The following DENND6B variants were observed in gnomAD, a reference collection of about 807,000 sequenced individuals.
DENND6B encodes the protein DENN domain containing 6B.
DENND6B carries 73 observed loss-of-function variants against 85.1 expected under a neutral mutation model. That is an observed-to-expected ratio of 0.86 (90% CI 0.71 to 1.04). The LOEUF is 1.04. Ranked by LOEUF, DENND6B falls within the 50% of genes least tolerant of loss-of-function variation. The pLI, the probability that DENND6B is intolerant of heterozygous loss-of-function variation, is 0.00. For missense variants in DENND6B, 715 were observed against 785.8 expected, an observed-to-expected ratio of 0.91 and a Z score of 1.08; for synonymous variants, 357 against 329.3, an observed-to-expected ratio of 1.08 and a Z score of -0.91.
rs2041818228 is a variant in DENND6B at position 50,316,397 on chromosome 22, C to T, written c.532G>A (p.Asp178Asn). 3.8e-6 allele frequency: 6 copies of T among 1,583,572 alleles called. No homozygotes were observed. In the East Asian group the frequency reaches 1.4e-4, roughly 37 times the overall value. The change falls in exon 6 of 20, where the codon GAC becomes AAC. Residue 178 changes from aspartate to asparagine, a missense_variant. By Grantham distance (23) the Asp-to-Asn change is conservative. Coordinates refer to ENST00000413817, the MANE Select transcript of DENND6B (RefSeq NM_001001794.4). ...LLSLIAPEYF[D>N]KLAPCLEAVC... is the part of the protein sequence containing the mutation. Reference sequence around the variant, plus strand: ...GCTTCCAGGCAGGGCGCCAGCTTGTCAAAGTACTCGGGGGCGATGAGGCTT... The same window carrying T: ...GCTTCCAGGCAGGGCGCCAGCTTGTTAAAGTACTCGGGGGCGATGAGGCTT...
In DENND6B at chr22:50,326,878, GCGCGCCCAGGGCGCCGCCGGGGTC is replaced by G. The variant is rs2042203871; in HGVS notation, c.87_110del (p.Thr30_Arg37del). 16 of 1,419,644 alleles carry G rather than the reference GCGCGCCCAGGGCGCCGCCGGGGTC, an allele frequency of 1.1e-5. No individual in the cohort carries two copies. Among genetic ancestry groups the G allele is most frequent in the Non-Finnish European group, 1.5e-5 (16 of 1,087,566 alleles). The allele number at this position is 1,419,644 out of a possible 1,614,324, so 87.9% of individuals were successfully genotyped here. A position where few individuals can be genotyped will look rare whatever the true frequency, so the allele number is the denominator to read the frequency against. On this transcript the variant is annotated inframe_deletion, in exon 1 of 20. Transcript: ENST00000413817. ...ACACACACTCCAGCCAGGCGGAGAA[GCGCGCCCAGGGCGCCGCCGGGGTC>G]CGCGCCGCGCGACCTGAAGACGTGG...
intron 6 of DENND6B, 21 bp downstream of exon 6, chr22:50,316,349 C>T (rs1369078744): frequency 6.4e-7 from 1 of 1,565,150 alleles, no homozygotes; most frequent in Admixed American, 1.9e-5. Flanking sequence ...ACCACGATGG[C>T]CACGACTGAT....
intron 19 of DENND6B, 25 bp downstream of exon 19, chr22:50,312,318 G>A (rs768692873): frequency 5.0e-6 from 8 of 1,611,256 alleles, no homozygotes; most frequent in Non-Finnish European, 6.8e-6. Context: ...TGGTGGCGCT[G>A]GGACAAGGCT....
intron 10 of DENND6B, 21 bp downstream of exon 10, chr22:50,314,778 G>A (rs367898569): frequency 5.5e-5 from 87 of 1,593,288 alleles, no homozygotes; most frequent in Middle Eastern, 5.0e-4. Context: ...TTCCCCAGCC[G>A]GGACCGGGCC....
At position 50,310,979 on chromosome 22, in the gene DENND6B, C is replaced by T. The variant is rs2068052482; in HGVS notation, c.*1160G>A. The T allele has an allele frequency of 6.6e-6, 1 of 152,286 alleles. No homozygotes were observed. The highest frequency in any genetic ancestry group is 2.4e-5 in the African/African-American group (1 of 41,434). The allele number at this position is 152,286 out of a possible 1,614,324, so 9.4% of individuals were successfully genotyped here. ...AAAAAGAAAAAGTCCCTCCCCCAGC[C>T]CTGTGTCCCCTGGCCAGCACCCGCC... On this transcript the variant is annotated 3_prime_UTR_variant, in exon 20 of 20. Transcript: ENST00000413817.
intron 5 of DENND6B, 113 bp from the exon 6 acceptor site, chr22:50,316,588 C>T (rs1040508597): frequency 1.2e-5 from 19 of 1,541,972 alleles, no homozygotes; most frequent in East Asian, 9.8e-5. Flanking sequence ...CAGGGTAGCA[C>T]GTCCCACCAA....
In DENND6B at chr22:50,326,931, C is replaced by T; in HGVS notation, c.58G>A (p.Gly20Arg). Residue 20 changes from glycine to arginine, a missense_variant, in exon 1 of 20, where the codon GGA becomes AGA. Coordinates refer to ENST00000413817, the MANE Select transcript of DENND6B (RefSeq NM_001001794.4). ...RRARGCLGAA[G>R]PTSSGRAART... ...GCCGCGCGACCTGAAGACGTGGGTC[C>T]AGCCGCGCCCAGGCAGCCGCGAGCC... 1 of 1,310,234 alleles carries T rather than the reference C, an allele frequency of 7.6e-7. No homozygotes were observed. The highest frequency in any genetic ancestry group is 9.7e-7 in the Non-Finnish European group (1 of 1,034,758). The allele number at this position is 1,310,234 out of a possible 1,614,324, so 81.2% of individuals were successfully genotyped here.
In DENND6B at chr22:50,314,921, C is replaced by G; in HGVS notation, c.759G>C (p.Arg253Ser). Residue 253 changes from arginine to serine, a missense_variant and splice_region_variant, in exon 10 of 20, where the codon AGG (arginine) becomes AGC (serine). Arg to Ser is a moderately radical substitution (Grantham distance 110, BLOSUM62 -1). Coordinates refer to ENST00000413817, the MANE Select transcript of DENND6B (RefSeq NM_001001794.4). The stretch of plus-strand genomic sequence containing the variant: ...TATGAGTCAGCACAGGCCGGAAGCA[C>G]CTGGGGCCGGGCAGGAAGGTCGGGG... ...LASVHELDLF[R>S]CFRPVLTHMQ... is the part of the protein sequence containing the mutation. The G allele has an allele frequency of 6.2e-7, 1 of 1,608,502 alleles. No individual in the cohort carries two copies. The highest frequency in any genetic ancestry group is 8.5e-7 in the Non-Finnish European group (1 of 1,176,788).
chr22:50,312,896 G>A, intron 17 of DENND6B, 103 bp downstream of exon 17: 1 of 808,044 alleles, frequency 1.2e-6, no homozygotes, highest in Non-Finnish European at 1.9e-6. Flanking sequence ...TTGACAGGCG[G>A]GGGGCCATGG....
chr22:50,326,020 A>G (rs1222365022), intron 1 of DENND6B, among the ~76,000 whole-genome samples: 1 of 152,146 alleles, frequency 6.6e-6, no homozygotes, highest in Non-Finnish European at 1.5e-5. Flanking sequence ...CAGCGCGGGG[A>G]AGCCTCCCTC....
At position 50,319,168 on chromosome 22, in the gene DENND6B, G is replaced by C; in HGVS notation, c.178-165C>G. 5.9e-6 allele frequency: 9 copies of C among 1,525,166 alleles called. No individual in the cohort carries two copies. The South Asian group carries it at 9.7e-5, about 16-fold the overall frequency. The allele number at this position is 1,525,166 out of a possible 1,614,324, so 94.5% of individuals were successfully genotyped here. A position where few individuals can be genotyped will look rare whatever the true frequency, so the allele number is the denominator to read the frequency against. On this transcript the variant is annotated intron_variant, in intron 1 of 19. Coordinates refer to ENST00000413817, the MANE Select transcript of DENND6B (RefSeq NM_001001794.4). ...TCGCCCCCTGCTCCCTGTTCCAACA[G>C]CACGCTGCATCCTCCCCACACCATA...
rs2068100457 is a variant in DENND6B, at chr22:50,312,985, T to C, written c.1457+14A>G. The stretch of plus-strand genomic sequence containing the variant: ...AAGGAGGGCTCAAGCTGCCTGCACC[T>C]GCAGTCCACGCACCTGTAGAGACCC... On this transcript the variant is annotated intron_variant, in intron 17 of 19. Transcript: ENST00000413817. 3 of 1,546,514 alleles carry C rather than the reference T, an allele frequency of 1.9e-6. No homozygotes were observed. Among genetic ancestry groups the C allele is most frequent in the Non-Finnish European group, 8.7e-7 (1 of 1,144,048 alleles).
In DENND6B at chr22:50,314,370, G is replaced by T. The variant is rs763085561; in HGVS notation, c.1072+30C>A. On this transcript the variant is annotated intron_variant, in intron 12 of 19. Coordinates refer to ENST00000413817, the MANE Select transcript of DENND6B (RefSeq NM_001001794.4). Reference sequence around the variant, plus strand: ...CCACACTCAACGAGGCTTCTGAGCAGCACCCCCTGCACCTCACCGGGAGCC... The same window carrying T: ...CCACACTCAACGAGGCTTCTGAGCATCACCCCCTGCACCTCACCGGGAGCC... The T allele has an allele frequency of 7.7e-6, 12 of 1,565,096 alleles. No individual in the cohort carries two copies. The South Asian group carries it at 1.4e-4, about 18-fold the overall frequency.
chr22:50,317,274 G>C lies in DENND6B; in HGVS notation c.453+19C>G, dbSNP rs753003956. ...CTGCCGCTCTTGAGGTGCCAGCCCA[G>C]AGTGGCCAAGCAGCGCACCTTCTGG... On this transcript the variant is annotated intron_variant, in intron 5 of 19. Transcript: ENST00000413817. The C allele has an allele frequency of 1.9e-6, 3 of 1,612,002 alleles. No individual in the cohort carries two copies. The South Asian group carries it at 3.3e-5, about 18-fold the overall frequency.
chr22:50,313,858 C>G lies in DENND6B; in HGVS notation c.1159G>C (p.Ala387Pro). 1 of 1,611,306 alleles carries G rather than the reference C, an allele frequency of 6.2e-7. No homozygotes were observed. Among genetic ancestry groups the G allele is most frequent in the Non-Finnish European group, 8.5e-7 (1 of 1,179,560 alleles). ...TKPGLYTAYT[A>P]HLHRDKALLK... is the part of the protein sequence containing the mutation. ...AGCGCCTTGTCGCGGTGGAGGTGGG[C>G]CGTGTAAGCGGTGTAGAGGCCTGGC... The change falls in exon 14 of 20, where the codon GCC (alanine) becomes CCC (proline). Residue 387 changes from alanine (A) to proline (P), a missense_variant. Ala to Pro is a conservative substitution (Grantham distance 27, BLOSUM62 -1). Coordinates refer to ENST00000413817, the MANE Select transcript of DENND6B (RefSeq NM_001001794.4).
chr22:50,320,249 C>T (rs2042002008), intron 1 of DENND6B, among the ~76,000 whole-genome samples: 4 of 152,230 alleles, frequency 2.6e-5, no homozygotes, highest in African/African-American at 9.6e-5. Flanking sequence ...GACAGGGTCT[C>T]GTTCCCTCAC....
At position 50,318,955 on chromosome 22, in the gene DENND6B, C is replaced by G; in HGVS notation, c.216+10G>C. ...GGGTCCTGTCCATTCCCAAGAGGGC[C>G]GGGACTCACCTCCTTGTCTGTGAGC... On this transcript the variant is annotated intron_variant, in intron 2 of 19. Coordinates refer to ENST00000413817, the MANE Select transcript of DENND6B (RefSeq NM_001001794.4). 1 of 1,607,748 alleles carries G rather than the reference C, an allele frequency of 6.2e-7. No individual in the cohort carries two copies. Among genetic ancestry groups the G allele is most frequent in the Non-Finnish European group, 8.5e-7 (1 of 1,177,220 alleles).
chr22:50,314,024 C>T, intron 13 of DENND6B, 146 bp from the exon 14 acceptor site: 1 of 1,290,642 alleles, frequency 7.7e-7, no homozygotes, highest in Non-Finnish European at 1.0e-6. Context: ...CCACCCACCC[C>T]CCAGACACCG....
intron 1 of DENND6B, 91 bp from the exon 2 acceptor site, chr22:50,319,094 A>C: frequency 6.5e-7 from 1 of 1,545,262 alleles, no homozygotes; most frequent in Non-Finnish European, 8.7e-7. Flanking sequence ...CCGTCCCAGC[A>C]GCTGCAGCAT....
Sources: allele counts gnomAD v4.1 joint callset (sites outside exome capture counted in the v4.1 genomes callset), GRCh38; gene constraint gnomAD v4.1.1; transcripts MANE v1.5; gene names NCBI Gene and HGNC (gene_info 2026-07-23, HGNC 2026-07-21).